The following SLC12A3 variants were observed in gnomAD, a reference collection of about 807,000 sequenced individuals.
SLC12A3 encodes the protein solute carrier family 12 member 3.
In SLC12A3, 104 loss-of-function variants were observed where a neutral mutation model predicts 121.0. That is an observed-to-expected ratio of 0.86 (90% CI 0.73 to 1.01). SLC12A3 has a LOEUF of 1.01. Among genes scored for constraint, SLC12A3 ranks in the 50% least tolerant of loss-of-function variants. The probability of loss-of-function intolerance (pLI) is 0.00; values close to 1 mark genes in which losing one functional copy is unlikely to be tolerated. For missense variants in SLC12A3, 1,328 were observed against 1,356.3 expected, an observed-to-expected ratio of 0.98 and a Z score of 0.33; for synonymous variants, 536 against 533.4, an observed-to-expected ratio of 1.00 and a Z score of -0.07.
At chr16:56,888,614 A>G (rs2055350134) in intron 18 of SLC12A3, among the ~76,000 whole-genome samples, 1 of 121,950 alleles carries the variant, frequency 8.2e-6, no homozygotes, top group South Asian at 2.8e-4. Flanking sequence ...GCTGGAGTGC[A>G]GTGGCGCTAT....
intron 24 of SLC12A3, among the ~76,000 whole-genome samples, chr16:56,902,832 T>C (rs1209163936): frequency 6.6e-6 from 1 of 152,058 alleles, no homozygotes; most frequent in African/African-American, 2.4e-5. Context: ...CTGAGACTCA[T>C]GGTGACAGCC....
At chr16:56,874,108 A>G (rs1202521284) in intron 8 of SLC12A3, among the ~76,000 whole-genome samples, 1 of 152,164 alleles carries the variant, frequency 6.6e-6, no homozygotes, top group African/African-American at 2.4e-5. Context: ...CCAAACGCGT[A>G]TCTGTTGCCC....
chr16:56,908,128 A>G (rs571375067), intron 25 of SLC12A3, among the ~76,000 whole-genome samples: 62 of 144,128 alleles, frequency 4.3e-4, no homozygotes, highest in African/African-American at 1.6e-3. Flanking sequence ...TTTTTAAAGA[A>G]TGATTGTATT....
intron 18 of SLC12A3, among the ~76,000 whole-genome samples, chr16:56,890,072 C>T (rs1219231242): frequency 6.6e-6 from 1 of 152,182 alleles, no homozygotes; most frequent in African/African-American, 2.4e-5. Context: ...TCCACAGTGC[C>T]ACAGACTGTA....
chr16:56,881,586 C>T (rs554822203), intron 12 of SLC12A3, among the ~76,000 whole-genome samples: 1 of 152,114 alleles, frequency 6.6e-6, no homozygotes, highest in South Asian at 2.1e-4. Flanking sequence ...CAGAAGCAGG[C>T]CCCGAGACAA....
At chr16:56,898,669 C>T (rs2055497878) in intron 22 of SLC12A3, among the ~76,000 whole-genome samples, 1 of 152,176 alleles carries the variant, frequency 6.6e-6, no homozygotes. Context: ...GCCAGACCGC[C>T]ACCTCTGTGA....
rs771849618 is a variant in SLC12A3 at position 56,913,270 on chromosome 16, G to T, written c.2931G>T (p.Leu977Phe). The T allele has an allele frequency of 6.2e-7, 1 of 1,614,042 alleles. No homozygotes were observed. Among genetic ancestry groups the T allele is most frequent in the African/African-American group, 1.3e-5 (1 of 74,912 alleles). The change falls in exon 26 of 26, where the codon TTG becomes TTT. Residue 977 changes from leucine (L) to phenylalanine (F), a missense_variant. Coordinates refer to ENST00000563236, the MANE Select transcript of SLC12A3 (RefSeq NM_001126108.2). ...ACTTTTTCATGCCTTGCAGCACTTT[G>T]CCCATAGGGAGGAAGGGGAAGTGCC... ...SRDAALIVIT[L>F]PIGRKGKCPS...
chr16:56,873,809 T>C (rs1414899030), intron 8 of SLC12A3, among the ~76,000 whole-genome samples: 7 of 151,972 alleles, frequency 4.6e-5, no homozygotes, highest in Non-Finnish European at 2.9e-5. Flanking sequence ...CCTCCCGGGT[T>C]CAAGTGATTC....
chr16:56,883,495 T>C (rs573249218), intron 13 of SLC12A3, among the ~76,000 whole-genome samples: 1 of 152,152 alleles, frequency 6.6e-6, no homozygotes, highest in Admixed American at 6.5e-5. Flanking sequence ...TTAGCCAGGA[T>C]GGTCTCGATC....
Position 56,865,309 on chromosome 16 carries a change from T to C in SLC12A3, c.74T>C (p.Leu25Pro), listed in dbSNP as rs1964324677. 9.3e-6 allele frequency: 15 copies of C among 1,613,998 alleles called. No individual in the cohort carries two copies. The highest frequency in any genetic ancestry group is 1.3e-5 in the Non-Finnish European group (15 of 1,180,032). Residue 25 changes from leucine (L) to proline (P), a missense_variant, in exon 1 of 26, where the codon CTG becomes CCG. By Grantham distance (98) the Leu-to-Pro change is moderately conservative. Transcript: ENST00000563236. ...LCSGRFTIST[L>P]LSSDEPSPPA... ...AGCGGGCGCTTCACCATCAGCACAC[T>C]GCTGAGCAGTGATGAGCCCTCTCCA... is the stretch of plus-strand genomic sequence containing the variant.
intron 21 of SLC12A3, among the ~76,000 whole-genome samples, chr16:56,893,941 C>A (rs567735355): frequency 6.9e-6 from 1 of 145,294 alleles, no homozygotes; most frequent in Admixed American, 6.8e-5. Flanking sequence ...CCACACCCAG[C>A]TAATTTTTGT....
At position 56,899,526 on chromosome 16, in the gene SLC12A3, C is replaced by T; in HGVS notation, c.2634-4C>T. The stretch of plus-strand genomic sequence containing the variant: ...TAACAATAAACCCTCCATGTGTCCT[C>T]CAGGATCATTTCTCTGCTGAGCAAG... On this transcript the variant is annotated splice_region_variant and splice_polypyrimidine_tract_variant and intron_variant, in intron 22 of 25. Transcript: ENST00000563236. The T allele has an allele frequency of 6.2e-7, 1 of 1,611,180 alleles. No individual in the cohort carries two copies. The highest frequency in any genetic ancestry group is 8.5e-7 in the Non-Finnish European group (1 of 1,177,300).
At chr16:56,868,806 C>T (rs1236268495) in intron 3 of SLC12A3, among the ~76,000 whole-genome samples, 1 of 152,000 alleles carries the variant, frequency 6.6e-6, no homozygotes, top group Non-Finnish European at 1.5e-5. Context: ...CCTGTCTCTA[C>T]TAAAAATATT....
chr16:56,905,067 C>G (rs7189286), intron 25 of SLC12A3, among the ~76,000 whole-genome samples: 1 of 152,094 alleles, frequency 6.6e-6, no homozygotes, highest in African/African-American at 2.4e-5. Context: ...TGGCCGGGCA[C>G]GGTGGCTCAT....
In SLC12A3 at chr16:56,893,307, C is replaced by G. The variant is rs940322134; in HGVS notation, c.2521+253C>G. Among the ~76,000 whole-genome samples, 1 of 152,148 alleles carries G rather than the reference C, an allele frequency of 6.6e-6. No individual in the cohort carries two copies. The highest frequency in any genetic ancestry group is 1.5e-5 in the Non-Finnish European group (1 of 68,018). ...ACTGGATGGCCCTTAGGGGCACAGG[C>G]AGGTGATATAAATGGGGAGATGGGC... On this transcript the variant is annotated intron_variant, in intron 21 of 25. Transcript: ENST00000563236.
intron 17 of SLC12A3, 76 bp from the exon 18 acceptor site, chr16:56,887,849 G>T (rs1161527486): frequency 1.3e-6 from 1 of 789,422 alleles, no homozygotes. Context: ...ACATCAGAAA[G>T]TTGGGGCTCT....
intron 25 of SLC12A3, among the ~76,000 whole-genome samples, chr16:56,908,974 C>G (rs2055647195): frequency 6.6e-6 from 1 of 152,224 alleles, no homozygotes; most frequent in African/African-American, 2.4e-5. Flanking sequence ...TGCATTTTGT[C>G]TATGCGATTA....
chr16:56,899,963 G>A (rs949128771), intron 23 of SLC12A3, among the ~76,000 whole-genome samples: 1 of 152,244 alleles, frequency 6.6e-6, no homozygotes, highest in Admixed American at 6.5e-5. Context: ...TGAATTTGTA[G>A]CAGTGACCAA....
At chr16:56,878,946 A>G (rs2055200166) in intron 9 of SLC12A3, 127 bp from the exon 10 acceptor site, 1 of 1,120,964 alleles carries the variant, frequency 8.9e-7, no homozygotes, top group Non-Finnish European at 1.3e-6. Flanking sequence ...TGTCATCATT[A>G]TCATTGCATA....
Sources: allele counts gnomAD v4.1 joint callset (sites outside exome capture counted in the v4.1 genomes callset), GRCh38; gene constraint gnomAD v4.1.1; transcripts MANE v1.5; gene names NCBI Gene and HGNC (gene_info 2026-07-23, HGNC 2026-07-21).